Variants in CFAP92 observed in about 807,000 individuals in gnomAD.
CFAP92 encodes the protein uncharacterized protein CFAP92.
Under a neutral mutation model 106.3 loss-of-function variants are expected in CFAP92, and 86 were observed. That is an observed-to-expected ratio of 0.81 (90% confidence interval 0.68 to 0.97). The LOEUF (loss-of-function observed/expected upper bound fraction) is 0.97. CFAP92 is among the 50% of genes least tolerant of loss of function. CFAP92 has a pLI of 0.00. For missense variants in CFAP92, 1,204 were observed against 1,283.8 expected, an observed-to-expected ratio of 0.94 and a Z score of 0.95; for synonymous variants, 477 against 506.4, an observed-to-expected ratio of 0.94 and a Z score of 0.78.
At position 128,945,071 on chromosome 3, in the gene CFAP92, C is replaced by T. The variant is rs541411949; in HGVS notation, c.2258G>A (p.Trp753Ter). Residue 753 changes from tryptophan (W) to a stop codon, truncating the protein, a stop_gained and splice_region_variant, in exon 10 of 16, where the codon TGG (tryptophan) becomes TAG (stop). Transcript: ENST00000645291. LOFTEE classifies it high-confidence loss of function. ...GTAAAATGTAAAACAAACCACCTACCAGCTTTGGTGGTTCTCCCACAGCTG... is the reference window on the plus strand; with the variant it reads ...GTAAAATGTAAAACAAACCACCTACTAGCTTTGGTGGTTCTCCCACAGCTG... ...LRQLWENHQS[W>*]IPRSEHRKYK... 129 of 1,510,946 alleles carry T rather than the reference C, an allele frequency of 8.5e-5. No homozygotes were observed. The highest frequency in any genetic ancestry group is 1.1e-4 in the Non-Finnish European group (124 of 1,132,726). The allele number at this position is 1,510,946 out of a possible 1,614,324, so 93.6% of individuals were successfully genotyped here.
intron 3 of CFAP92, among the ~76,000 whole-genome samples, chr3:128,988,138 C>T (rs944886461): frequency 2.6e-5 from 4 of 152,198 alleles, no homozygotes; most frequent in African/African-American, 9.7e-5. Flanking sequence ...GTAGTGTGTA[C>T]ACACACATGC....
rs768681386 is a variant in CFAP92 at position 128,971,355 on chromosome 3, G to C, written c.1100C>G (p.Pro367Arg). The change falls in exon 8 of 16, where the codon CCC becomes CGC. Residue 367 changes from proline to arginine, a missense_variant. Coordinates refer to ENST00000645291, the MANE Select transcript of CFAP92 (RefSeq NM_001394090.1). ...KKPLAEEEAD[P>R]TLTGPRKQSA... is the part of the protein sequence containing the mutation. ...CTGCTTCCTGGGGCCTGTCAGCGTG[G>C]GGTCTGCCTCTTCTTCTGCCAGGGG... The C allele has an allele frequency of 5.0e-6, 8 of 1,613,514 alleles. No individual in the cohort carries two copies. The highest frequency in any genetic ancestry group is 6.8e-6 in the Non-Finnish European group (8 of 1,179,752).
At chr3:128,917,334 C>T (rs1016873953) in intron 12 of CFAP92, among the ~76,000 whole-genome samples, 5 of 152,162 alleles carry the variant, frequency 3.3e-5, no homozygotes, top group Admixed American at 2.0e-4. Flanking sequence ...TCCTAGAATT[C>T]GTGAATTACA....
At chr3:128,961,227 C>T (rs979310258) in intron 9 of CFAP92, among the ~76,000 whole-genome samples, 4 of 152,182 alleles carry the variant, frequency 2.6e-5, no homozygotes, top group Non-Finnish European at 4.4e-5. Context: ...TCTGAGGTGC[C>T]TGACGTCCCG....
At chr3:128,972,717 T>C (rs192408365) in intron 7 of CFAP92, among the ~76,000 whole-genome samples, 10 of 151,946 alleles carry the variant, frequency 6.6e-5, no homozygotes, top group Non-Finnish European at 1.0e-4. Context: ...TAGCCAGGTG[T>C]GGTGGCGGGC....
intron 1 of CFAP92, chr3:129,001,720 T>A: frequency 6.6e-7 from 1 of 1,518,786 alleles, no homozygotes; most frequent in Non-Finnish European, 8.8e-7. Flanking sequence ...CAGTGGCTGC[T>A]GAGCGCCCTG....
intron 15 of CFAP92, chr3:128,910,896 A>G (rs1295426927): frequency 4.0e-6 from 6 of 1,497,536 alleles, no homozygotes; most frequent in Non-Finnish European, 5.6e-6. Context: ...GACCCTGTCA[A>G]GCTCCCAGAG....
intron 12 of CFAP92, among the ~76,000 whole-genome samples, chr3:128,926,054 C>A (rs1296971962): frequency 6.6e-6 from 1 of 152,202 alleles, no homozygotes; most frequent in Non-Finnish European, 1.5e-5. Flanking sequence ...TCTAACAACT[C>A]ATTTGAATAA....
At chr3:129,019,902 G>A in the CFAP92 span, among the ~76,000 whole-genome samples, 1 of 151,304 alleles carries the variant, frequency 6.6e-6, no homozygotes, top group Non-Finnish European at 1.5e-5. Flanking sequence ...CCAAGTAGCT[G>A]GGACTATAGG....
At chr3:129,002,331 G>C (rs1456135117) in intron 1 of CFAP92, 3 of 1,512,118 alleles carry the variant, frequency 2.0e-6, no homozygotes, top group South Asian at 1.2e-5. Flanking sequence ...GCAGGTGCGC[G>C]CCGGCCACGA....
intron 9 of CFAP92, among the ~76,000 whole-genome samples, chr3:128,955,936 C>T (rs868866583): frequency 1.4e-4 from 7 of 50,334 alleles, no homozygotes; most frequent in Non-Finnish European, 2.0e-4. Context: ...GGATTAAGGG[C>T]GGTGCAAGAT....
chr3:128,925,382 C>T (rs780207811), intron 12 of CFAP92, among the ~76,000 whole-genome samples: 3 of 152,210 alleles, frequency 2.0e-5, no homozygotes, highest in Non-Finnish European at 4.4e-5. Context: ...CACTTGCCCA[C>T]TCTCACCTCC....
chr3:128,945,168 T>C lies in CFAP92; in HGVS notation c.2161A>G (p.Thr721Ala). ...VQEQQHLDVL[T>A]GFHLLDGKTH... is the part of the protein sequence containing the mutation. The stretch of plus-strand genomic sequence containing the variant: ...TTCCCGTCCAGCAGGTGGAAGCCAG[T>C]GAGCACATCCAGGTGCTGCTGCTCC... The change falls in exon 10 of 16, where the codon ACT (threonine) becomes GCT (alanine). Residue 721 changes from threonine (T) to alanine (A), a missense_variant. Coordinates refer to ENST00000645291, the MANE Select transcript of CFAP92 (RefSeq NM_001394090.1). The C allele has an allele frequency of 1.3e-6, 2 of 1,536,186 alleles. No individual in the cohort carries two copies. The highest frequency in any genetic ancestry group is 2.0e-5 in the Admixed American group (1 of 51,000).
intron 12 of CFAP92, among the ~76,000 whole-genome samples, chr3:128,923,297 C>A (rs1341950491): frequency 6.6e-6 from 1 of 152,186 alleles, no homozygotes; most frequent in Non-Finnish European, 1.5e-5. Context: ...TGAGGACCGA[C>A]TGGAGTCACG....
chr3:129,001,336 G>A (rs758226434), intron 1 of CFAP92, among the ~76,000 whole-genome samples: 87 of 152,336 alleles, frequency 5.7e-4, no homozygotes, highest in Non-Finnish European at 1.1e-3. Flanking sequence ...GTGAGGAGAG[G>A]AGAGCGTGGG....
intron 10 of CFAP92, among the ~76,000 whole-genome samples, chr3:128,938,642 C>T (rs1423888801): frequency 6.6e-6 from 1 of 151,860 alleles, no homozygotes; most frequent in East Asian, 1.9e-4. Flanking sequence ...TACAGGCGCC[C>T]ACCACCACGC....
chr3:128,996,837 G>A (rs577199518), upstream of CFAP92, among the ~76,000 whole-genome samples: 19 of 152,314 alleles, frequency 1.2e-4, 1 homozygote, highest in South Asian at 3.9e-3. Flanking sequence ...GGGCCCGCTG[G>A]TTCCCCTCCA....
At chr3:129,016,131 C>T in the CFAP92 span, among the ~76,000 whole-genome samples, 2 of 152,206 alleles carry the variant, frequency 1.3e-5, no homozygotes, top group Non-Finnish European at 2.9e-5. Context: ...ATGCGTCCCC[C>T]TGGCTTTGAT....
intron 15 of CFAP92, among the ~76,000 whole-genome samples, chr3:128,912,032 C>G (rs955323914): frequency 3.9e-5 from 6 of 152,220 alleles, no homozygotes; most frequent in Non-Finnish European, 7.3e-5. Flanking sequence ...ACCTGAGGTT[C>G]TGGATCAGTG....
Sources: allele counts gnomAD v4.1 joint callset (sites outside exome capture counted in the v4.1 genomes callset), GRCh38; gene constraint gnomAD v4.1.1; transcripts MANE v1.5; gene names NCBI Gene and HGNC (gene_info 2026-07-23, HGNC 2026-07-21).